The following CEP170 variants were observed in gnomAD, a reference collection of about 807,000 sequenced individuals.
The protein encoded by CEP170 is centrosomal protein of 170 kDa.
A neutral mutation model predicts 151.9 loss-of-function variants in CEP170; 21 were observed. The observed-to-expected ratio is 0.14, with a 90% CI of 0.10 to 0.20. CEP170 has a LOEUF of 0.20. Among genes scored for constraint, CEP170 ranks in the 10% least tolerant of loss-of-function variants. The pLI is 1.00. For missense variants in CEP170, 964 were observed against 1,892.9 expected (o/e 0.51, Z 9.11); for synonymous variants, 356 against 648.8 (o/e 0.55, Z 6.86).
chr1:243,194,325 CTAATA>C (rs969110646), intron 7 of CEP170, among the ~76,000 whole-genome samples: 7 of 151,828 alleles, frequency 4.6e-5, no homozygotes, highest in African/African-American at 1.7e-4. Context: ...TATTATATTA[CTAATA>C]TATTTGATTA....
intron 14 of CEP170, among the ~76,000 whole-genome samples, chr1:243,153,217 T>C (rs1317441022): frequency 6.6e-6 from 1 of 152,222 alleles, no homozygotes; most frequent in Non-Finnish European, 1.5e-5. Flanking sequence ...GAGAAGTTGC[T>C]TCTTATGGAT....
intron 1 of CEP170, among the ~76,000 whole-genome samples, chr1:243,245,692 C>T (rs1367211796): frequency 7.3e-5 from 11 of 151,056 alleles, no homozygotes; most frequent in South Asian, 2.1e-4. Context: ...CCAGCCTGGG[C>T]GACAGAGCAA....
At chr1:243,160,534 G>C (rs1341783350) in intron 13 of CEP170, among the ~76,000 whole-genome samples, 2 of 152,152 alleles carry the variant, frequency 1.3e-5, no homozygotes, top group Non-Finnish European at 2.9e-5. Flanking sequence ...GAAAAAAAGA[G>C]TTGTTAGTAT....
chr1:243,167,923 T>C (rs1014160289), intron 12 of CEP170, among the ~76,000 whole-genome samples: 3 of 152,008 alleles, frequency 2.0e-5, no homozygotes, highest in African/African-American at 7.2e-5. Flanking sequence ...AAACGTTTTA[T>C]TATTTAAGTA....
chr1:243,180,280 C>G (rs1239655223), intron 10 of CEP170, among the ~76,000 whole-genome samples: 1 of 152,020 alleles, frequency 6.6e-6, no homozygotes, highest in African/African-American at 2.4e-5. Context: ...GAGGACAAAC[C>G]TATTATGTTA....
intron 3 of CEP170, among the ~76,000 whole-genome samples, chr1:243,212,597 A>C (rs2061907800): frequency 1.3e-5 from 2 of 152,218 alleles, no homozygotes; most frequent in Admixed American, 6.5e-5. Flanking sequence ...AACAACGCTA[A>C]AAGTGATCCA....
At chr1:243,210,550 G>A (rs2061709213) in intron 4 of CEP170, among the ~76,000 whole-genome samples, 1 of 147,902 alleles carries the variant, frequency 6.8e-6, no homozygotes, top group Non-Finnish European at 1.5e-5. Context: ...TATAAAGTAT[G>A]CTACAAAACT....
intron 16 of CEP170, chr1:243,136,441 A>G: frequency 1.8e-6 from 1 of 566,120 alleles, no homozygotes; most frequent in Non-Finnish European, 3.1e-6. Context: ...TTATTAAATA[A>G]CTTGTCAAAG....
chr1:243,177,819 A>G (rs2059351295), intron 10 of CEP170, among the ~76,000 whole-genome samples: 1 of 152,236 alleles, frequency 6.6e-6, no homozygotes, highest in Non-Finnish European at 1.5e-5. Context: ...ATCAACTTTT[A>G]AATTTAAAAT....
chr1:243,125,749 T>G lies in CEP170; in HGVS notation c.*700A>C, dbSNP rs1417793037. 5.7e-6 allele frequency: 1 copy of G among 175,560 alleles called. No individual in the cohort carries two copies. Among genetic ancestry groups the G allele is most frequent in the African/African-American group, 2.4e-5 (1 of 41,886 alleles). The allele number at this position is 175,560 out of a possible 1,614,324, so 10.9% of individuals were successfully genotyped here. ...CAAATACAGTATTATCAATCTCCTA[T>G]GTACAAAAAAGACGGTTAGTCCTTA... is the stretch of plus-strand genomic sequence containing the variant. On this transcript the variant is annotated 3_prime_UTR_variant, in exon 20 of 20. Transcript: ENST00000366542.
chr1:243,243,497 G>GATTT (rs35889417), intron 1 of CEP170, among the ~76,000 whole-genome samples: 16,290 of 145,972 alleles, frequency 0.11, 1,269 homozygotes, highest in African/African-American at 0.22. Context: ...TTACCATTCT[G>GATTT]ATTTATTTAT....
intron 7 of CEP170, among the ~76,000 whole-genome samples, chr1:243,193,760 C>G (rs1307395089): frequency 6.6e-6 from 1 of 151,840 alleles, no homozygotes; most frequent in Admixed American, 6.6e-5. Flanking sequence ...TGGTTTCATG[C>G]AAAGCCCAGA....
At chr1:243,225,506 G>A (rs555493837) in intron 1 of CEP170, among the ~76,000 whole-genome samples, 185 bp from the exon 2 acceptor site, 31 of 152,200 alleles carry the variant, frequency 2.0e-4, no homozygotes, top group East Asian at 5.8e-4. Flanking sequence ...GTAAGCCCAC[G>A]GAATCCACTA....
At chr1:243,184,358 C>A (rs557460769) in intron 10 of CEP170, among the ~76,000 whole-genome samples, 12 of 152,118 alleles carry the variant, frequency 7.9e-5, no homozygotes, top group African/African-American at 2.9e-4. Flanking sequence ...CTCTCTCTCT[C>A]TCTCTATATA....
intron 3 of CEP170, 90 bp downstream of exon 3, chr1:243,221,634 G>T: frequency 7.6e-7 from 1 of 1,307,922 alleles, no homozygotes; most frequent in Non-Finnish European, 1.0e-6. Context: ...TAAAGAAAAA[G>T]AAAATGTAGC....
chr1:243,131,352 G>A (rs929873937), intron 17 of CEP170, among the ~76,000 whole-genome samples: 19 of 152,020 alleles, frequency 1.2e-4, no homozygotes, highest in South Asian at 4.2e-4. Context: ...AAATTAGCAG[G>A]TGTGGTGCAG....
intron 13 of CEP170, among the ~76,000 whole-genome samples, chr1:243,160,124 T>C (rs960857097): frequency 1.3e-5 from 2 of 152,212 alleles, no homozygotes; most frequent in Non-Finnish European, 2.9e-5. Context: ...ATTTCTCATG[T>C]AATGATAGTT....
intron 1 of CEP170, among the ~76,000 whole-genome samples, chr1:243,231,205 T>C (rs201901667): frequency 2.0e-4 from 29 of 142,240 alleles, no homozygotes; most frequent in African/African-American, 6.4e-4. Context: ...TTATTATTAT[T>C]ATCATCATTA....
chr1:243,191,114 C>T lies in CEP170; in HGVS notation c.1012G>A (p.Ala338Thr), dbSNP rs1225556719. Residue 338 changes from alanine (A) to threonine (T), a missense_variant, in exon 8 of 20, where the codon GCA becomes ACA. Coordinates refer to ENST00000366542, the MANE Select transcript of CEP170 (RefSeq NM_014812.3). ...APENKVADWL[A>T]QNNPPQMLWE... ...AGCATTTGAGGAGGGTTGTTTTGTG[C>T]TAGCCAGTCAGCAACTTTGTTTTCG... The T allele has an allele frequency of 2.5e-6, 4 of 1,613,384 alleles. No homozygotes were observed. The Admixed American group carries it at 6.7e-5, about 27-fold the overall frequency.
Sources: allele counts gnomAD v4.1 joint callset (sites outside exome capture counted in the v4.1 genomes callset), GRCh38; gene constraint gnomAD v4.1.1; transcripts MANE v1.5; gene names NCBI Gene and HGNC (gene_info 2026-07-23, HGNC 2026-07-21).